Variants in ANK3 observed in about 807,000 individuals in gnomAD.
ANK3 encodes ankyrin-3.
In ANK3, 57 loss-of-function variants were observed where a neutral mutation model predicts 370.9. The observed-to-expected ratio is 0.15, with a 90% CI of 0.12 to 0.19. The LOEUF (loss-of-function observed/expected upper bound fraction) is 0.19, where lower values mean the gene tolerates loss of function less well. Ranked by LOEUF, ANK3 falls within the 10% of genes least tolerant of loss-of-function variation. ANK3 has a pLI of 1.00. For synonymous variants in ANK3, 1,929 were observed against 1,946.3 expected, an observed-to-expected ratio of 0.99 and a Z score of 0.23; for missense variants, 4,439 against 5,302.1, an observed-to-expected ratio of 0.84 and a Z score of 5.06.
At chr10:60,156,801 A>G (rs2095342846) in intron 23 of ANK3, among the ~76,000 whole-genome samples, 1 of 152,168 alleles carries the variant, frequency 6.6e-6, no homozygotes, top group Non-Finnish European at 1.5e-5. Flanking sequence ...GAATTCTTGG[A>G]AAGTCCTCTC....
chr10:60,226,498 ATAG>A (rs1460179387), intron 8 of ANK3, among the ~76,000 whole-genome samples: 6 of 84,216 alleles, frequency 7.1e-5, no homozygotes, highest in Admixed American at 1.3e-4. Context: ...TACATATACT[ATAG>A]TATATATACA....
intron 41 of ANK3, among the ~76,000 whole-genome samples, chr10:60,056,978 T>C (rs4372392): frequency 0.16 from 23,856 of 152,150 alleles, 2,411 homozygotes; most frequent in Non-Finnish European, 0.22. Context: ...TGAGCAAGGA[T>C]TGAGCTACTG....
chr10:60,263,732 A>C (rs990748381), intron 6 of ANK3, 103 bp downstream of exon 6: 1 of 1,315,444 alleles, frequency 7.6e-7, no homozygotes, highest in Non-Finnish European at 1.1e-6. Context: ...AATGAAGTTA[A>C]AGGCATGGCA....
chr10:60,321,788 G>C (rs1253390133), intron 1 of ANK3, among the ~76,000 whole-genome samples: 1 of 152,170 alleles, frequency 6.6e-6, no homozygotes, highest in Non-Finnish European at 1.5e-5. Flanking sequence ...CCTCCCCTTT[G>C]TTGATCATCA....
At chr10:60,344,706 T>C (rs2055027730) in intron 1 of ANK3, among the ~76,000 whole-genome samples, 1 of 152,194 alleles carries the variant, frequency 6.6e-6, no homozygotes, top group African/African-American at 2.4e-5. Context: ...AAGAACAAGA[T>C]TTCATTAGAA....
rs1301888638 is a variant in ANK3, at chr10:60,029,694, CTTTTT to C, written c.*147_*151del. The C allele has an allele frequency of 6.6e-6, 1 of 151,704 alleles. No homozygotes were observed. The highest frequency in any genetic ancestry group is 2.0e-4 in the East Asian group (1 of 5,112). The allele number at this position is 151,704 out of a possible 1,614,324, so 9.4% of individuals were successfully genotyped here. ...AATGTGGGTGGTTTTCTTTTCTTTT[CTTTTT>C]GCATAAAAAAAATCATGCCATTAAT... On this transcript the variant is annotated 3_prime_UTR_variant, in exon 44 of 44. Coordinates refer to ENST00000280772, the MANE Select transcript of ANK3 (RefSeq NM_020987.5).
At chr10:60,613,131 A>C (rs2078223270) in intron 2 of ANK3, among the ~76,000 whole-genome samples, 1 of 152,172 alleles carries the variant, frequency 6.6e-6, no homozygotes, top group Non-Finnish European at 1.5e-5. Context: ...TCATCAGAGT[A>C]TTGTTGAAAT....
chr10:60,292,453 G>A (rs909305373), intron 1 of ANK3, among the ~76,000 whole-genome samples: 9 of 151,132 alleles, frequency 6.0e-5, no homozygotes, highest in Non-Finnish European at 8.8e-5. Context: ...CTTAATACAC[G>A]CTAATGGAAT....
At chr10:60,131,498 CCA>C (rs1202693493) in intron 25 of ANK3, among the ~76,000 whole-genome samples, 4 of 152,174 alleles carry the variant, frequency 2.6e-5, no homozygotes, top group African/African-American at 9.7e-5. Context: ...TTCATGATGT[CCA>C]CAGAGGTATT....
chr10:60,444,317 A>G (rs1244657979), intron 2 of ANK3, among the ~76,000 whole-genome samples: 2 of 151,788 alleles, frequency 1.3e-5, no homozygotes, highest in African/African-American at 4.8e-5. Context: ...AAGCTTGTAC[A>G]TTTGAACTCA....
chr10:60,638,136 T>C (rs1010095745), intron 1 of ANK3, among the ~76,000 whole-genome samples: 2 of 152,188 alleles, frequency 1.3e-5, no homozygotes, highest in African/African-American at 4.8e-5. Context: ...CATCATTAAA[T>C]GAGTACAGAT....
At chr10:60,054,081 G>A (rs938078058) in intron 42 of ANK3, among the ~76,000 whole-genome samples, 1 of 152,160 alleles carries the variant, frequency 6.6e-6, no homozygotes, top group African/African-American at 2.4e-5. Context: ...TTATGCCAAT[G>A]GCCAATATGA....
intron 2 of ANK3, among the ~76,000 whole-genome samples, chr10:60,508,787 T>G (rs1262901497): frequency 6.6e-6 from 1 of 152,108 alleles, no homozygotes; most frequent in Non-Finnish European, 1.5e-5. Context: ...AAATAGAAGG[T>G]CCCTTCCCCC....
chr10:60,130,798 A>T (rs1448184107), intron 25 of ANK3, among the ~76,000 whole-genome samples: 3 of 152,086 alleles, frequency 2.0e-5, no homozygotes, highest in Non-Finnish European at 4.4e-5. Flanking sequence ...ATTTATCTAT[A>T]ATAATAGACA....
chr10:60,253,363 C>G (rs1190248511), intron 7 of ANK3, among the ~76,000 whole-genome samples: 2 of 152,166 alleles, frequency 1.3e-5, no homozygotes, highest in African/African-American at 2.4e-5. Context: ...CGTATTCCTC[C>G]CCTCACTCCA....
intron 25 of ANK3, among the ~76,000 whole-genome samples, chr10:60,120,783 T>A (rs2093419711): frequency 6.6e-6 from 1 of 152,220 alleles, no homozygotes; most frequent in Admixed American, 6.5e-5. Flanking sequence ...TCATCTCACC[T>A]TAGTTAAAAT....
chr10:60,393,330 T>G (rs970329383), upstream of ANK3, among the ~76,000 whole-genome samples: 1 of 152,190 alleles, frequency 6.6e-6, no homozygotes, highest in African/African-American at 2.4e-5. Flanking sequence ...GCTTTGTTAC[T>G]AGAAGTTATG....
At chr10:60,085,378 A>AT in intron 30 of ANK3, 125 bp from the exon 31 acceptor site, 1 of 621,026 alleles carries the variant, frequency 1.6e-6, no homozygotes, top group Admixed American at 3.1e-5. Flanking sequence ...CTTCAGTTTA[A>AT]TAGTGTGTAC....
intron 25 of ANK3, among the ~76,000 whole-genome samples, chr10:60,128,442 C>T (rs1411454835): frequency 1.3e-5 from 2 of 151,410 alleles, no homozygotes; most frequent in African/African-American, 4.9e-5. Flanking sequence ...TGCAGTGGCG[C>T]AATCTCAGCT....
Sources: allele counts gnomAD v4.1 joint callset (sites outside exome capture counted in the v4.1 genomes callset), GRCh38; gene constraint gnomAD v4.1.1; transcripts MANE v1.5; gene names NCBI Gene and HGNC (gene_info 2026-07-23, HGNC 2026-07-21).